The following TRIM9 variants were observed in gnomAD, a reference collection of about 807,000 sequenced individuals.
The protein encoded by TRIM9 is tripartite motif containing 9, also known as E3 ubiquitin-protein ligase TRIM9.
In TRIM9, 26 loss-of-function variants were observed where a neutral mutation model predicts 78.3. That is an observed-to-expected ratio of 0.33 (90% CI 0.24 to 0.46). The LOEUF (loss-of-function observed/expected upper bound fraction) is 0.46. Ranked by LOEUF, TRIM9 falls within the 20% of genes least tolerant of loss-of-function variation. The pLI is 1.00. For missense variants in TRIM9, 787 were observed against 1,036.4 expected, an observed-to-expected ratio of 0.76 and a Z score of 3.30; for synonymous variants, 398 against 416.5, an observed-to-expected ratio of 0.96 and a Z score of 0.54.
At chr14:51,086,896 G>A (rs2063804566) in intron 1 of TRIM9, among the ~76,000 whole-genome samples, 1 of 152,124 alleles carries the variant, frequency 6.6e-6, no homozygotes, top group Non-Finnish European at 1.5e-5. Flanking sequence ...ATTTATTCAT[G>A]ACTAGACACT....
At chr14:51,034,044 C>T (rs1193273356) in intron 1 of TRIM9, among the ~76,000 whole-genome samples, 2 of 152,124 alleles carry the variant, frequency 1.3e-5, no homozygotes, top group Non-Finnish European at 2.9e-5. Context: ...TCTATTAAAA[C>T]TGGTAATCCA....
intron 7 of TRIM9, among the ~76,000 whole-genome samples, chr14:50,991,575 T>C (rs1178488695): frequency 6.6e-6 from 1 of 152,226 alleles, no homozygotes; most frequent in East Asian, 1.9e-4. Context: ...TTTCCTTATA[T>C]GATCCTTTAT....
intron 1 of TRIM9, among the ~76,000 whole-genome samples, chr14:51,029,637 A>C (rs2058558279): frequency 6.6e-6 from 1 of 152,216 alleles, no homozygotes; most frequent in Admixed American, 6.5e-5. Context: ...TAAGCAAGAA[A>C]TTCTAATAAT....
chr14:51,085,882 A>G (rs950443571), intron 1 of TRIM9, among the ~76,000 whole-genome samples: 7 of 152,180 alleles, frequency 4.6e-5, no homozygotes, highest in Admixed American at 1.3e-4. Context: ...TTTGTTACTT[A>G]GTTCTGACAG....
chr14:51,076,355 C>T (rs1286623345), intron 1 of TRIM9, among the ~76,000 whole-genome samples: 1 of 152,186 alleles, frequency 6.6e-6, no homozygotes, highest in Admixed American at 6.5e-5. Context: ...CCCAGACCTC[C>T]TTTCCTCCAT....
intron 1 of TRIM9, among the ~76,000 whole-genome samples, chr14:51,062,255 T>A (rs1053470578): frequency 2.6e-5 from 4 of 152,222 alleles, no homozygotes; most frequent in African/African-American, 9.6e-5. Context: ...TATTTTGAAA[T>A]GCCTGTCTGT....
At chr14:51,021,145 C>T (rs2139756792) in intron 3 of TRIM9, among the ~76,000 whole-genome samples, 1 of 152,242 alleles carries the variant, frequency 6.6e-6, no homozygotes, top group African/African-American at 2.4e-5. Context: ...CTGAAGGGTG[C>T]TCAGATTGAA....
At chr14:50,997,084 T>C (rs1035954407) in intron 7 of TRIM9, 2 of 985,306 alleles carry the variant, frequency 2.0e-6, no homozygotes, top group Non-Finnish European at 2.4e-6. Flanking sequence ...AGGGAAGTTA[T>C]GGAGAATCCC....
chr14:51,065,433 C>T (rs56122519), intron 1 of TRIM9, among the ~76,000 whole-genome samples: 1 of 152,124 alleles, frequency 6.6e-6, no homozygotes, highest in Non-Finnish European at 1.5e-5. Context: ...AGGAAGTGCA[C>T]TGTATGGGGC....
intron 11 of TRIM9, among the ~76,000 whole-genome samples, chr14:50,981,386 AGAAGATTCCCACAAG>A (rs1346010084): frequency 6.6e-6 from 1 of 152,220 alleles, no homozygotes. Flanking sequence ...TTTAATCTTC[AGAAGATTCCCACAAG>A]GAAAAATTTT....
chr14:50,979,270 C>T, intron 12 of TRIM9, 117 bp downstream of exon 12: 1 of 1,565,910 alleles, frequency 6.4e-7, no homozygotes, highest in Non-Finnish European at 8.7e-7. Flanking sequence ...TCCTTCATAT[C>T]TTGGTCTGGG....
At chr14:51,064,010 G>C (rs1252705733) in intron 1 of TRIM9, among the ~76,000 whole-genome samples, 1 of 151,862 alleles carries the variant, frequency 6.6e-6, no homozygotes, top group Non-Finnish European at 1.5e-5. Context: ...GATTATTAAA[G>C]GCAAAAATTA....
chr14:51,062,425 C>G (rs547441550), intron 1 of TRIM9, among the ~76,000 whole-genome samples: 2 of 152,274 alleles, frequency 1.3e-5, no homozygotes, highest in South Asian at 2.1e-4. Context: ...ACCAGTTTCA[C>G]TCATGGTGGA....
chr14:50,993,798 A>G (rs2053844772), intron 7 of TRIM9, among the ~76,000 whole-genome samples: 1 of 152,176 alleles, frequency 6.6e-6, no homozygotes, highest in African/African-American at 2.4e-5. Context: ...TTCTAATGTT[A>G]GCACCACAGC....
At chr14:51,005,217 C>G (rs1288585581) in intron 5 of TRIM9, among the ~76,000 whole-genome samples, 2 of 152,178 alleles carry the variant, frequency 1.3e-5, no homozygotes, top group Admixed American at 6.5e-5. Context: ...CCTCTGGCAG[C>G]TTTCCCCCTA....
chr14:51,012,038 A>AT (rs1444903648), intron 3 of TRIM9, among the ~76,000 whole-genome samples: 1 of 152,052 alleles, frequency 6.6e-6, no homozygotes, highest in Non-Finnish European at 1.5e-5. Context: ...ATTATTTCTG[A>AT]TTTTTTTGTT....
chr14:51,040,511 G>A (rs1217610010), intron 1 of TRIM9, among the ~76,000 whole-genome samples: 1 of 152,162 alleles, frequency 6.6e-6, no homozygotes, highest in African/African-American at 2.4e-5. Flanking sequence ...TTCCTCAGAG[G>A]GATCAGGAGT....
At position 51,094,957 on chromosome 14, in the gene TRIM9, G is replaced by A; in HGVS notation, c.-18C>T. On this transcript the variant is annotated 5_prime_UTR_variant, in exon 1 of 13. Coordinates refer to ENST00000684578, the MANE Select transcript of TRIM9 (RefSeq NM_001387360.1). ...TCCTCCATGGGGACCGGTCTGGGAG[G>A]AGACAGCGACGGCTGCAGCGGGTGC... 7.0e-7 allele frequency: 1 copy of A among 1,424,318 alleles called. No individual in the cohort carries two copies. Among genetic ancestry groups the A allele is most frequent in the South Asian group, 1.8e-5 (1 of 55,844 alleles). The allele number at this position is 1,424,318 out of a possible 1,614,324, so 88.2% of individuals were successfully genotyped here. A position where few individuals can be genotyped will look rare whatever the true frequency, so the allele number is the denominator to read the frequency against.
rs559794012 is a variant in TRIM9, at chr14:51,080,683, G to A, written c.822+13435C>T. 2.0e-5 allele frequency among the ~76,000 whole-genome samples: 3 copies of A among 152,274 alleles called. No individual in the cohort carries two copies. The South Asian group carries it at 6.2e-4, about 32-fold the overall frequency. On this transcript the variant is annotated intron_variant, in intron 1 of 12. Coordinates refer to ENST00000684578, the MANE Select transcript of TRIM9 (RefSeq NM_001387360.1). ...CATTTATAACTCTCAACTGTAGTGGGTGGCCACCTTTTTGACACCTGGAAG... is the reference window on the plus strand; with the variant it reads ...CATTTATAACTCTCAACTGTAGTGGATGGCCACCTTTTTGACACCTGGAAG...
Sources: allele counts gnomAD v4.1 joint callset (sites outside exome capture counted in the v4.1 genomes callset), GRCh38; gene constraint gnomAD v4.1.1; transcripts MANE v1.5; gene names NCBI Gene and HGNC (gene_info 2026-07-23, HGNC 2026-07-21).